The following RNGTT variants were observed in gnomAD, a reference collection of about 807,000 sequenced individuals.
The protein encoded by RNGTT is RNA guanylyltransferase and 5'-phosphatase.
RNGTT carries 33 observed loss-of-function variants against 79.3 expected under a neutral mutation model. The ratio of observed to expected loss-of-function variants is 0.42; its 90% CI spans 0.32 to 0.56. RNGTT has a LOEUF of 0.56. RNGTT is among the 20% of genes least tolerant of loss of function. The pLI, the probability that RNGTT is intolerant of heterozygous loss-of-function variation, is 0.17. For synonymous variants in RNGTT, 222 were observed against 235.9 expected (o/e 0.94, Z 0.54); for missense variants, 497 against 739.1 (o/e 0.67, Z 3.80).
chr6:88,762,985 C>A (rs940040928), intron 13 of RNGTT, among the ~76,000 whole-genome samples: 94 of 151,972 alleles, frequency 6.2e-4, no homozygotes, highest in African/African-American at 2.2e-3. Flanking sequence ...GTGCAGTGGC[C>A]CCACCACAGC....
chr6:88,610,012 A>G lies in RNGTT; in HGVS notation c.*2707T>C, dbSNP rs1771965225. On this transcript the variant is annotated 3_prime_UTR_variant, in exon 16 of 16. Coordinates refer to ENST00000369485, the MANE Select transcript of RNGTT (RefSeq NM_003800.5). ...GACTGCTAAGATTAGATGAAGAGAA[A>G]TAATATAAACATCATATAAAGATGT... 6.6e-6 allele frequency among the ~76,000 whole-genome samples: 1 copy of G among 152,240 alleles called. No individual in the cohort carries two copies. The highest frequency in any genetic ancestry group is 2.4e-5 in the African/African-American group (1 of 41,450).
chr6:88,742,118 A>G (rs1777512475), intron 13 of RNGTT, among the ~76,000 whole-genome samples: 1 of 152,232 alleles, frequency 6.6e-6, no homozygotes, highest in Non-Finnish European at 1.5e-5. Context: ...CTATGGGCAT[A>G]TGGTGTAAAG....
At chr6:88,618,699 T>C (rs923574094) in intron 14 of RNGTT, among the ~76,000 whole-genome samples, 2 of 152,228 alleles carry the variant, frequency 1.3e-5, no homozygotes, top group East Asian at 1.9e-4. Flanking sequence ...CCTGTATCCA[T>C]CTGATTGCAT....
intron 12 of RNGTT, among the ~76,000 whole-genome samples, chr6:88,773,352 G>A (rs1778760603): frequency 6.8e-6 from 1 of 146,736 alleles, no homozygotes; most frequent in African/African-American, 2.5e-5. Flanking sequence ...GATAGCATCG[G>A]GAGATATACC....
At chr6:88,694,406 C>CACACGAAAAATTT (rs1393686973) in intron 13 of RNGTT, among the ~76,000 whole-genome samples, 1 of 151,550 alleles carries the variant, frequency 6.6e-6, no homozygotes, top group Non-Finnish European at 1.5e-5. Flanking sequence ...AGTGAAAGGC[C>CACACGAAAAATTT]TACACACGAA....
At chr6:88,869,569 G>A (rs1475590801) in intron 8 of RNGTT, among the ~76,000 whole-genome samples, 1 of 152,006 alleles carries the variant, frequency 6.6e-6, no homozygotes, top group Non-Finnish European at 1.5e-5. Flanking sequence ...GTTGGCCTTG[G>A]GATCTATCTA....
chr6:88,908,251 G>T (rs557646354), intron 4 of RNGTT, among the ~76,000 whole-genome samples: 1 of 152,170 alleles, frequency 6.6e-6, no homozygotes, highest in South Asian at 2.1e-4. Context: ...TGATAAATTA[G>T]ACTATTTCAA....
intron 11 of RNGTT, among the ~76,000 whole-genome samples, chr6:88,838,013 C>G (rs913891621): frequency 1.3e-5 from 2 of 151,886 alleles, no homozygotes; most frequent in African/African-American, 4.8e-5. Flanking sequence ...AATATGAATA[C>G]CTAAAAAAAT....
At chr6:88,901,862 C>T (rs1210339242) in intron 6 of RNGTT, among the ~76,000 whole-genome samples, 3 of 152,058 alleles carry the variant, frequency 2.0e-5, no homozygotes, top group Admixed American at 6.6e-5. Flanking sequence ...GACAATTTCA[C>T]ACAAATACTA....
chr6:88,667,568 T>C (rs1015296747), intron 14 of RNGTT, among the ~76,000 whole-genome samples: 1 of 151,776 alleles, frequency 6.6e-6, no homozygotes, highest in East Asian at 2.0e-4. Flanking sequence ...CTGGTTCTAG[T>C]GTGTACATAC....
intron 13 of RNGTT, among the ~76,000 whole-genome samples, chr6:88,760,662 A>C (rs1317772174): frequency 6.6e-6 from 1 of 152,186 alleles, no homozygotes; most frequent in Non-Finnish European, 1.5e-5. Flanking sequence ...TTTAAATAAA[A>C]TATAAATGAA....
chr6:88,721,903 T>C (rs1390295393), intron 13 of RNGTT, among the ~76,000 whole-genome samples: 1 of 152,052 alleles, frequency 6.6e-6, no homozygotes, highest in Non-Finnish European at 1.5e-5. Context: ...TTTTCTATCA[T>C]TATCATTTCT....
intron 13 of RNGTT, among the ~76,000 whole-genome samples, chr6:88,717,101 T>A (rs1181243496): frequency 6.6e-6 from 1 of 152,182 alleles, no homozygotes; most frequent in Non-Finnish European, 1.5e-5. Context: ...AAGCCTCCAC[T>A]GGCTCCACAA....
chr6:88,817,490 TAA>T (rs11354100), intron 11 of RNGTT, among the ~76,000 whole-genome samples: 51 of 44,556 alleles, frequency 1.1e-3, no homozygotes, highest in Non-Finnish European at 1.7e-3. Flanking sequence ...AAAAAATAAG[TAA>T]AAAAAAAAAA....
chr6:88,689,208 A>G (rs898565189), intron 13 of RNGTT, among the ~76,000 whole-genome samples: 1 of 151,452 alleles, frequency 6.6e-6, no homozygotes, highest in African/African-American at 2.4e-5. Flanking sequence ...TTGGGAGGCC[A>G]AGGCAGGAGG....
At position 88,906,430 on chromosome 6, in the gene RNGTT, A is replaced by G; in HGVS notation, c.378T>C (p.Cys126=). 6.3e-7 allele frequency: 1 copy of G among 1,587,158 alleles called. No homozygotes were observed. The highest frequency in any genetic ancestry group is 8.5e-7 in the Non-Finnish European group (1 of 1,170,214). The part of the protein sequence containing the change: ...RNPPELIGVH[C]THGFNRTGFL... ...AACCAGTGCGATTGAAGCCATGAGT[A>G]CAATGAACACCTAGAAAATAAAGTA... Residue 126 remains cysteine, a synonymous_variant, in exon 5 of 16, where the codon TGT becomes TGC. Transcript: ENST00000369485.
At chr6:88,851,238 G>A (rs1475992169) in intron 9 of RNGTT, among the ~76,000 whole-genome samples, 1 of 150,198 alleles carries the variant, frequency 6.7e-6, no homozygotes, top group Non-Finnish European at 1.5e-5. Context: ...TCTTCAGATT[G>A]AAGAGGAATA....
chr6:88,757,687 T>A (rs938098187), intron 13 of RNGTT, among the ~76,000 whole-genome samples: 1 of 152,186 alleles, frequency 6.6e-6, no homozygotes, highest in Non-Finnish European at 1.5e-5. Flanking sequence ...TTTTACAGAC[T>A]AAATTTTCTG....
chr6:88,776,033 T>A (rs1016732086), intron 12 of RNGTT, among the ~76,000 whole-genome samples: 2 of 152,092 alleles, frequency 1.3e-5, no homozygotes, highest in African/African-American at 4.8e-5. Flanking sequence ...AGGTACTAAT[T>A]TCATTTCTTT....
Sources: gnomAD v4.1 joint callset for allele counts (sites outside exome capture counted in the v4.1 genomes callset) on GRCh38, gnomAD v4.1.1 for gene constraint, MANE v1.5 for transcripts, NCBI Gene and HGNC (gene_info 2026-07-23, HGNC 2026-07-21) for gene names.